GALNTL6: variants seen among roughly 807,000 people sequenced by gnomAD.
GALNTL6 encodes polypeptide N-acetylgalactosaminyltransferase like 6.
GALNTL6 carries 46 observed loss-of-function variants against 73.7 expected under a neutral mutation model. The ratio of observed to expected loss-of-function variants is 0.62; its 90% CI spans 0.49 to 0.80. The LOEUF is 0.80. Ranked by LOEUF, GALNTL6 falls within the 30% of genes least tolerant of loss-of-function variation. The pLI is 0.00. For missense variants in GALNTL6, 604 were observed against 755.0 expected, an observed-to-expected ratio of 0.80 and a Z score of 2.34; for synonymous variants, 259 against 263.7, an observed-to-expected ratio of 0.98 and a Z score of 0.17.
chr4:172,747,418 G>T (rs1737171825), intron 5 of GALNTL6, among the ~76,000 whole-genome samples: 2 of 152,004 alleles, frequency 1.3e-5, no homozygotes, highest in Admixed American at 1.3e-4. Flanking sequence ...GTGGAAAAAT[G>T]TTCAAGATAG....
At chr4:172,678,245 G>C (rs1163203389) in intron 5 of GALNTL6, among the ~76,000 whole-genome samples, 1 of 152,204 alleles carries the variant, frequency 6.6e-6, no homozygotes, top group African/African-American at 2.4e-5. Context: ...AATAGCCTAA[G>C]CTGTGTGAAG....
intron 10 of GALNTL6, among the ~76,000 whole-genome samples, chr4:173,003,443 A>G (rs1267964338): frequency 6.6e-6 from 1 of 152,212 alleles, no homozygotes; most frequent in Non-Finnish European, 1.5e-5. Context: ...GCCGTGAGCA[A>G]TCCCATGATA....
At position 171,819,605 on chromosome 4, in the gene GALNTL6, C is replaced by T. The variant is rs1175393343; in HGVS notation, c.138+4887C>T. Among the ~76,000 whole-genome samples the T allele has an allele frequency of 3.9e-5, 6 of 152,052 alleles. No homozygotes were observed. In the East Asian group the frequency reaches 9.7e-4, roughly 24 times the overall value. On this transcript the variant is annotated intron_variant, in intron 2 of 12. Coordinates refer to ENST00000506823, the MANE Select transcript of GALNTL6 (RefSeq NM_001034845.3). ...TTTTTGTTTGTTTGTCAGGAGTAGC[C>T]GTGACAACCCTTAGAAAGTTTGCAG...
chr4:172,453,820 C>T (rs181090956), intron 5 of GALNTL6, among the ~76,000 whole-genome samples: 88 of 152,296 alleles, frequency 5.8e-4, no homozygotes, highest in African/African-American at 1.7e-3. Context: ...GCCACTGCGA[C>T]ACCCTTAGGA....
At chr4:172,498,330 TTAGAG>T in intron 5 of GALNTL6, among the ~76,000 whole-genome samples, 1 of 152,268 alleles carries the variant, frequency 6.6e-6, no homozygotes, top group Admixed American at 6.5e-5. Context: ...TCTATATTAG[TTAGAG>T]TAAACTGCTT....
At chr4:172,319,805 C>A (rs1289339245) in intron 4 of GALNTL6, among the ~76,000 whole-genome samples, 2 of 152,058 alleles carry the variant, frequency 1.3e-5, no homozygotes, top group Non-Finnish European at 2.9e-5. Context: ...AAAATTATTT[C>A]TTTAAAAATA....
intron 3 of GALNTL6, among the ~76,000 whole-genome samples, chr4:172,234,964 G>A (rs886609465): frequency 7.2e-5 from 11 of 151,950 alleles, no homozygotes; most frequent in African/African-American, 1.4e-4. Context: ...CTTGGCTAAC[G>A]TTTTATGTAG....
chr4:172,853,496 T>G (rs1743950163), intron 7 of GALNTL6, among the ~76,000 whole-genome samples: 1 of 152,302 alleles, frequency 6.6e-6, no homozygotes, highest in South Asian at 2.1e-4. Context: ...TCTTTAAGGT[T>G]CCACCTTCAC....
At chr4:172,850,760 C>T (rs543394250) in intron 7 of GALNTL6, among the ~76,000 whole-genome samples, 6 of 152,270 alleles carry the variant, frequency 3.9e-5, no homozygotes, top group Middle Eastern at 3.4e-3. Flanking sequence ...ACCCCTTTTA[C>T]GGGTTCTATT....
chr4:172,186,681 G>A (rs1295126025), intron 2 of GALNTL6, among the ~76,000 whole-genome samples: 2 of 151,898 alleles, frequency 1.3e-5, no homozygotes, highest in Admixed American at 1.3e-4. Flanking sequence ...AAACACAAAA[G>A]GTCATATACT....
At chr4:172,601,268 A>G (rs529345020) in intron 5 of GALNTL6, among the ~76,000 whole-genome samples, 23 of 152,294 alleles carry the variant, frequency 1.5e-4, no homozygotes, top group African/African-American at 5.5e-4. Flanking sequence ...AGAGAAAATG[A>G]ACATAAGCTC....
intron 5 of GALNTL6, among the ~76,000 whole-genome samples, chr4:172,671,032 A>G (rs1731946076): frequency 1.3e-5 from 2 of 152,192 alleles, no homozygotes; most frequent in South Asian, 2.1e-4. Context: ...TACCAATACC[A>G]TGTGGTTTTG....
chr4:172,543,897 A>G (rs574661759), intron 5 of GALNTL6, among the ~76,000 whole-genome samples: 1 of 152,354 alleles, frequency 6.6e-6, no homozygotes, highest in South Asian at 2.1e-4. Flanking sequence ...TTATTCAGGT[A>G]TCAAAGGGCT....
chr4:172,878,417 A>T (rs997640528), intron 7 of GALNTL6, among the ~76,000 whole-genome samples: 7 of 151,920 alleles, frequency 4.6e-5, no homozygotes, highest in African/African-American at 1.7e-4. Flanking sequence ...AATTAAACAA[A>T]AATAATAATA....
chr4:172,689,003 A>T (rs1733101388), intron 5 of GALNTL6, among the ~76,000 whole-genome samples: 1 of 152,170 alleles, frequency 6.6e-6, no homozygotes, highest in Non-Finnish European at 1.5e-5. Context: ...TTTACACCAC[A>T]GAAATTAGCT....
chr4:172,895,246 G>C (rs1382960946), intron 8 of GALNTL6, among the ~76,000 whole-genome samples: 1 of 146,508 alleles, frequency 6.8e-6, no homozygotes, highest in Admixed American at 6.9e-5. Context: ...TTGTTTTCTA[G>C]TTGCTTTGTA....
rs1236835679 is a variant in GALNTL6, at chr4:171,813,440, C to G, written c.-720C>G. ...CGACGTCTCCGCGGAAGGCAGGCGCCGGGGAGTGGGGCGCGGGCGACCGTG... is the reference window on the plus strand; with the variant it reads ...CGACGTCTCCGCGGAAGGCAGGCGCGGGGGAGTGGGGCGCGGGCGACCGTG... On this transcript the variant is annotated 5_prime_UTR_variant, in exon 1 of 13. Transcript: ENST00000506823. This position sits in a 1 kb window ranked among gnomAD's most constrained non-coding sequence, Gnocchi z 5.2. 1 of 152,310 alleles carries G rather than the reference C, an allele frequency of 6.6e-6. No individual in the cohort carries two copies. The highest frequency in any genetic ancestry group is 1.5e-5 in the Non-Finnish European group (1 of 68,106). The allele number at this position is 152,310 out of a possible 1,614,324, so 9.4% of individuals were successfully genotyped here.
intron 2 of GALNTL6, among the ~76,000 whole-genome samples, chr4:172,162,799 GA>G (rs1475403638): frequency 6.6e-6 from 1 of 151,964 alleles, no homozygotes. Context: ...CCTGCAAAAG[GA>G]ATTAGTAAAT....
At chr4:172,087,451 AAAAAAAAC>A (rs1409203497) in intron 2 of GALNTL6, among the ~76,000 whole-genome samples, 1,565 of 144,062 alleles carry the variant, frequency 0.011, 26 homozygotes, top group African/African-American at 0.039. Context: ...TCCCAAAAAA[AAAAAAAAC>A]AAAAAAAACA....
Sources: allele counts gnomAD v4.1 joint callset (sites outside exome capture counted in the v4.1 genomes callset), GRCh38; gene constraint gnomAD v4.1.1; non-coding constraint Gnocchi (gnomAD v3.1); transcripts MANE v1.5; gene names NCBI Gene and HGNC (gene_info 2026-07-23, HGNC 2026-07-21).